Variants in DICER1 observed in about 807,000 individuals in gnomAD.
DICER1 encodes endoribonuclease Dicer.
In DICER1, 43 loss-of-function variants were observed where a neutral mutation model predicts 194.1. That is an observed-to-expected ratio of 0.22 (90% CI 0.17 to 0.29). The LOEUF is 0.29. Ranked by LOEUF, DICER1 falls within the 10% of genes least tolerant of loss-of-function variation. The pLI, the probability that DICER1 is intolerant of heterozygous loss-of-function variation, is 1.00. For missense variants in DICER1, 1,608 were observed against 2,317.0 expected, an observed-to-expected ratio of 0.69 and a Z score of 6.28; for synonymous variants, 832 against 820.5, an observed-to-expected ratio of 1.01 and a Z score of -0.24.
At chr14:95,112,972 G>A in intron 12 of DICER1, 120 bp downstream of exon 12, 1 of 1,073,268 alleles carries the variant, frequency 9.3e-7, no homozygotes, top group Non-Finnish European at 1.4e-6. Context: ...CAAGGCTCCT[G>A]CTCATGAAAG....
intron 6 of DICER1, 199 bp downstream of exon 6, chr14:95,129,273 T>C: frequency 1.8e-6 from 1 of 560,798 alleles, no homozygotes; most frequent in Non-Finnish European, 3.2e-6. Context: ...GCCTGTCTGC[T>C]ACTCTCTGTG....
Position 95,105,126 on chromosome 14 carries a change from C to A in DICER1, c.3214G>T (p.Ala1072Ser). 1 of 1,614,214 alleles carries A rather than the reference C, an allele frequency of 6.2e-7. No homozygotes were observed. Among genetic ancestry groups the A allele is most frequent in the Non-Finnish European group, 8.5e-7 (1 of 1,180,034 alleles). Residue 1072 changes from alanine to serine, a missense_variant, in exon 20 of 27, where the codon GCC becomes TCC. Ala to Ser is a moderately conservative substitution (Grantham distance 99). This residue lies in a region of DICER1 where 79 missense variants were observed against 176.1 expected (regional missense o/e 0.45). Coordinates refer to ENST00000343455, the MANE Select transcript of DICER1 (RefSeq NM_177438.3). This position sits in a 1 kb window ranked among gnomAD's most constrained non-coding sequence, Gnocchi z 4.9. The stretch of plus-strand genomic sequence containing the variant: ...ACGCCAGCATCGCTGGCAGTCTGGG[C>A]TCTTAGCTCCTCTGCAGTCAAAAGG... ...HCLLTAEELR[A>S]QTASDAGVGV...
At chr14:95,129,208 C>A in intron 6 of DICER1, 1 of 416,300 alleles carries the variant, frequency 2.4e-6, no homozygotes. Flanking sequence ...GTTCCCAGTC[C>A]TTGGCAACAA....
chr14:95,103,137 G>A (rs1252819814), intron 21 of DICER1, among the ~76,000 whole-genome samples: 1 of 152,152 alleles, frequency 6.6e-6, no homozygotes, highest in Non-Finnish European at 1.5e-5. Context: ...CTGAGTGTGG[G>A]ATTGGTGTAA....
intron 14 of DICER1, among the ~76,000 whole-genome samples, chr14:95,109,836 C>T (rs903496220): frequency 2.6e-5 from 4 of 152,176 alleles, no homozygotes; most frequent in African/African-American, 4.8e-5. Context: ...AGTCACGGTC[C>T]AATAACAGGT....
At chr14:95,122,292 G>A (rs1174712061) in intron 8 of DICER1, among the ~76,000 whole-genome samples, 4 of 152,132 alleles carry the variant, frequency 2.6e-5, no homozygotes, top group African/African-American at 4.8e-5. Flanking sequence ...GAAAACAGGA[G>A]GAAGGCGGAA....
chr14:95,135,849 T>C (rs991628934), intron 1 of DICER1, among the ~76,000 whole-genome samples: 1 of 152,244 alleles, frequency 6.6e-6, no homozygotes, highest in African/African-American at 2.4e-5. Flanking sequence ...TTGGCTATTA[T>C]GAATAATGTT....
chr14:95,149,573 T>C (rs922286618), intron 1 of DICER1, among the ~76,000 whole-genome samples: 1 of 152,218 alleles, frequency 6.6e-6, no homozygotes, highest in Admixed American at 6.5e-5. Flanking sequence ...ATATATTAGC[T>C]GTTATTGCCA....
chr14:95,109,063 T>G (rs1891718447), intron 14 of DICER1, among the ~76,000 whole-genome samples: 1 of 152,328 alleles, frequency 6.6e-6, no homozygotes, highest in South Asian at 2.1e-4. Context: ...TGGTGTATAT[T>G]AGGGTATGTG....
At chr14:95,094,516 C>T (rs1417258629) in intron 23 of DICER1, among the ~76,000 whole-genome samples, 1 of 152,186 alleles carries the variant, frequency 6.6e-6, no homozygotes, top group Non-Finnish European at 1.5e-5. Flanking sequence ...GTCTCCCTCA[C>T]ACATCATCAC....
chr14:95,126,848 C>A (rs1315084554), intron 6 of DICER1, 100 bp from the exon 7 acceptor site: 443 of 469,172 alleles, frequency 9.4e-4, no homozygotes, highest in South Asian at 2.6e-3. Flanking sequence ...GGAATAGATA[C>A]TAAAAAAAAA....
At chr14:95,092,844 C>A (rs1156600329) in intron 24 of DICER1, among the ~76,000 whole-genome samples, 2 of 152,198 alleles carry the variant, frequency 1.3e-5, no homozygotes, top group Non-Finnish European at 2.9e-5. Flanking sequence ...AAGAATGAGA[C>A]TAGGTAACAC....
At position 95,104,144 on chromosome 14, in the gene DICER1, T is replaced by A. The variant is rs1566769838; in HGVS notation, c.3270-18A>T. ...TAGGGTATCTGCAAAGACATTTTTA[T>A]AACTTTACATCAGATTCTTCAAAAC... On this transcript the variant is annotated intron_variant, in intron 20 of 26. Coordinates refer to ENST00000343455, the MANE Select transcript of DICER1 (RefSeq NM_177438.3). 2.5e-6 allele frequency: 4 copies of A among 1,598,230 alleles called. No homozygotes were observed. Among genetic ancestry groups the A allele is most frequent in the Non-Finnish European group, 3.4e-6 (4 of 1,171,304 alleles).
chr14:95,116,304 C>A, intron 10 of DICER1, 149 bp downstream of exon 10: 2 of 996,388 alleles, frequency 2.0e-6, no homozygotes, highest in South Asian at 3.2e-5. Flanking sequence ...TTCTCAACTT[C>A]CTTACAATGT....
chr14:95,149,331 C>A (rs140673029), intron 1 of DICER1, among the ~76,000 whole-genome samples: 5 of 152,286 alleles, frequency 3.3e-5, no homozygotes, highest in African/African-American at 1.2e-4. Context: ...AAGGTCCAGG[C>A]AAGAGTGTGA....
chr14:95,092,203 T>C (rs560866891), intron 24 of DICER1, among the ~76,000 whole-genome samples: 1 of 152,332 alleles, frequency 6.6e-6, no homozygotes, highest in South Asian at 2.1e-4. Context: ...AGCCACAATA[T>C]ATTATACGTG....
chr14:95,146,754 C>T (rs1056403399), intron 1 of DICER1, among the ~76,000 whole-genome samples: 1 of 152,100 alleles, frequency 6.6e-6, no homozygotes, highest in African/African-American at 2.4e-5. Flanking sequence ...AAGCAAGGCC[C>T]GGACACGGGG....
rs1893993562 is a variant in DICER1, at chr14:95,132,018, A to T, written c.308-379T>A. On this transcript the variant is annotated intron_variant, in intron 3 of 26. Coordinates refer to ENST00000343455, the MANE Select transcript of DICER1 (RefSeq NM_177438.3). The stretch of plus-strand genomic sequence containing the variant: ...AAAAGAGCAGTGACATGAATATATT[A>T]GTGCCCTACCAGCTTAGGTTCACAT... Among the ~76,000 whole-genome samples, 6 of 152,330 alleles carry T rather than the reference A, an allele frequency of 3.9e-5. No individual in the cohort carries two copies. The South Asian group carries it at 1.2e-3, about 32-fold the overall frequency.
At chr14:95,106,396 T>C (rs990333652) in intron 17 of DICER1, among the ~76,000 whole-genome samples, 173 bp from the exon 18 acceptor site, 10 of 152,192 alleles carry the variant, frequency 6.6e-5, no homozygotes, top group African/African-American at 2.4e-4. Flanking sequence ...AACTGTATTT[T>C]TATCAAGTAA....
Sources: allele counts gnomAD v4.1 joint callset (sites outside exome capture counted in the v4.1 genomes callset), GRCh38; gene constraint gnomAD v4.1.1; regional missense constraint gnomAD v4.1.1; non-coding constraint Gnocchi (gnomAD v3.1); transcripts MANE v1.5; gene names NCBI Gene and HGNC (gene_info 2026-07-23, HGNC 2026-07-21).